DIPK1A: variants seen among roughly 807,000 people sequenced by gnomAD.
DIPK1A encodes family with sequence similarity 69 member A.
A neutral mutation model predicts 40.8 loss-of-function variants in DIPK1A; 27 were observed. The ratio of observed to expected loss-of-function variants is 0.66; its 90% CI spans 0.49 to 0.91. The LOEUF (loss-of-function observed/expected upper bound fraction) is 0.91, where lower values mean the gene tolerates loss of function less well. Among genes scored for constraint, DIPK1A ranks in the 40% least tolerant of loss-of-function variants. The pLI is 0.00. For synonymous variants in DIPK1A, 166 were observed against 171.3 expected (o/e 0.97, Z 0.24); for missense variants, 412 against 505.7 (o/e 0.81, Z 1.78).
chr1:92,838,468 G>A (rs1687209408), downstream of DIPK1A, among the ~76,000 whole-genome samples: 1 of 152,168 alleles, frequency 6.6e-6, no homozygotes, highest in Non-Finnish European at 1.5e-5. Context: ...TACTTGCTCA[G>A]AACTTTTCAG....
At chr1:92,931,743 C>T (rs6698233) in intron 1 of DIPK1A, 51,322 of 164,810 alleles carry the variant, frequency 0.31, 8,575 homozygotes, top group Non-Finnish European at 0.36. Flanking sequence ...CATGCAAGAA[C>T]GTATAAATTG....
At chr1:92,926,506 A>G (rs1650516472) in intron 1 of DIPK1A, among the ~76,000 whole-genome samples, 2 of 152,296 alleles carry the variant, frequency 1.3e-5, no homozygotes, top group South Asian at 2.1e-4. Context: ...ATTGGGTTCT[A>G]TAAATATTAA....
chr1:92,887,790 A>T (rs1648680652), intron 1 of DIPK1A, among the ~76,000 whole-genome samples: 1 of 152,198 alleles, frequency 6.6e-6, no homozygotes, highest in Non-Finnish European at 1.5e-5. Context: ...ACAGATGGGA[A>T]AACTGAGAAC....
At chr1:92,916,298 TTTTC>T (rs1650050245) in intron 1 of DIPK1A, among the ~76,000 whole-genome samples, 2 of 151,798 alleles carry the variant, frequency 1.3e-5, no homozygotes, top group Admixed American at 6.6e-5. Flanking sequence ...TTGATCCTTT[TTTTC>T]TTTTTTTTTT....
At chr1:92,939,713 G>A (rs1282482731) in intron 1 of DIPK1A, among the ~76,000 whole-genome samples, 1 of 152,108 alleles carries the variant, frequency 6.6e-6, no homozygotes, top group Non-Finnish European at 1.5e-5. Context: ...CAGCACTTTG[G>A]GAGGCCAAGG....
At chr1:92,851,052 A>G in intron 2 of DIPK1A, 97 bp from the exon 3 acceptor site, 1 of 762,940 alleles carries the variant, frequency 1.3e-6, no homozygotes, top group Non-Finnish European at 2.1e-6. Context: ...GTTCTATGAC[A>G]AAAAGAACTG....
At chr1:92,892,138 C>T (rs567329145) in intron 1 of DIPK1A, among the ~76,000 whole-genome samples, 1 of 152,226 alleles carries the variant, frequency 6.6e-6, no homozygotes, top group Admixed American at 6.5e-5. Context: ...ATGTCCCTGT[C>T]TGACAGCTTT....
At chr1:92,852,329 C>T (rs1571057169) in intron 2 of DIPK1A, among the ~76,000 whole-genome samples, 1 of 152,004 alleles carries the variant, frequency 6.6e-6, no homozygotes, top group South Asian at 2.1e-4. Flanking sequence ...AGAAACCCCG[C>T]CTCTACTAAA....
downstream of DIPK1A, among the ~76,000 whole-genome samples, chr1:92,841,378 C>G (rs1687357037): frequency 6.6e-6 from 1 of 152,178 alleles, no homozygotes; most frequent in Non-Finnish European, 1.5e-5. Flanking sequence ...GGGTAATAAT[C>G]CATTATGTAT....
chr1:92,898,592 A>G (rs369575609), intron 1 of DIPK1A, among the ~76,000 whole-genome samples: 6 of 152,156 alleles, frequency 3.9e-5, no homozygotes, highest in African/African-American at 1.2e-4. Flanking sequence ...CTCTGATCTC[A>G]GCCTCCTGAG....
intron 2 of DIPK1A, among the ~76,000 whole-genome samples, chr1:92,854,503 T>C (rs1687920839): frequency 1.3e-5 from 2 of 152,150 alleles, no homozygotes; most frequent in Non-Finnish European, 1.5e-5. Context: ...TACAGTTTGC[T>C]TGGAGGATAT....
chr1:92,841,783 T>C (rs947531404), downstream of DIPK1A: 1 of 1,611,502 alleles, frequency 6.2e-7, no homozygotes, highest in South Asian at 1.1e-5. Context: ...CGTCCCAAAA[T>C]GTCCCTTGCT....
At chr1:92,870,898 C>T (rs760073739) in intron 2 of DIPK1A, among the ~76,000 whole-genome samples, 50 of 152,308 alleles carry the variant, frequency 3.3e-4, no homozygotes, top group Non-Finnish European at 6.3e-4. Flanking sequence ...TTCCCTGTAG[C>T]GTTGACCTTT....
intron 2 of DIPK1A, among the ~76,000 whole-genome samples, chr1:92,860,767 G>C (rs150357766): frequency 0.014 from 2,054 of 151,806 alleles, 49 homozygotes; most frequent in African/African-American, 0.047. Flanking sequence ...GTGGGCGACA[G>C]AGCAAGACTG....
chr1:92,951,145 G>A (rs934258005), intron 1 of DIPK1A, among the ~76,000 whole-genome samples: 5 of 152,082 alleles, frequency 3.3e-5, no homozygotes, highest in African/African-American at 7.2e-5. Flanking sequence ...TGGATCCAAC[G>A]CAATCATACG....
At chr1:92,886,323 C>A (rs536335492) in intron 1 of DIPK1A, among the ~76,000 whole-genome samples, 1 of 151,746 alleles carries the variant, frequency 6.6e-6, no homozygotes, top group East Asian at 1.9e-4. Context: ...AGAGCATGAC[C>A]CTGTCTAAAA....
In DIPK1A at chr1:92,842,353, C is replaced by CTT. The variant is rs1313818355; in HGVS notation, c.*1028_*1029dup. On this transcript the variant is annotated 3_prime_UTR_variant, in exon 5 of 5. Coordinates refer to ENST00000370310, the MANE Select transcript of DIPK1A (RefSeq NM_001006605.5). ...AACCTTTGAGCAGAAAATAGTGGTTCTTTTCTCCAAAAGGTGTTTAATTTT... is the reference window on the plus strand; with the variant it reads ...AACCTTTGAGCAGAAAATAGTGGTTCTTTTTTCTCCAAAAGGTGTTTAATTTT... 2 of 985,142 alleles carry CTT rather than the reference C, an allele frequency of 2.0e-6. No homozygotes were observed. Among genetic ancestry groups the CTT allele is most frequent in the Middle Eastern group, 5.2e-4 (1 of 1,914 alleles). The allele number at this position is 985,142 out of a possible 1,614,324, so 61.0% of individuals were successfully genotyped here.
intron 2 of DIPK1A, among the ~76,000 whole-genome samples, chr1:92,860,627 T>TAAAAA: frequency 9.0e-5 from 1 of 11,068 alleles, no homozygotes; most frequent in Non-Finnish European, 2.2e-4. Context: ...CAATTTCTAC[T>TAAAAA]AAAAAAAAAA....
chr1:92,870,017 C>T (rs1343489154), intron 2 of DIPK1A, among the ~76,000 whole-genome samples: 2 of 150,972 alleles, frequency 1.3e-5, no homozygotes, highest in Admixed American at 1.3e-4. Flanking sequence ...TTAGGAAGGG[C>T]TGATTAGACT....
Sources: allele counts gnomAD v4.1 joint callset (sites outside exome capture counted in the v4.1 genomes callset), GRCh38; gene constraint gnomAD v4.1.1; transcripts MANE v1.5; gene names NCBI Gene and HGNC (gene_info 2026-07-23, HGNC 2026-07-21).